The following FMNL2 variants were observed in gnomAD, a reference collection of about 807,000 sequenced individuals.
The protein encoded by FMNL2 is formin like 2.
Under a neutral mutation model 130.2 loss-of-function variants are expected in FMNL2, and 51 were observed. The observed-to-expected ratio is 0.39, with a 90% CI of 0.31 to 0.49. FMNL2 has a LOEUF of 0.49. FMNL2 is among the 20% of genes least tolerant of loss of function. The pLI, the probability that FMNL2 is intolerant of heterozygous loss-of-function variation, is 0.85. For missense variants in FMNL2, 977 were observed against 1,316.2 expected, an observed-to-expected ratio of 0.74 and a Z score of 3.99; for synonymous variants, 465 against 467.1, an observed-to-expected ratio of 1.00 and a Z score of 0.06.
chr2:152,335,994 C>T (rs1294354274), intron 1 of FMNL2, among the ~76,000 whole-genome samples: 2 of 151,882 alleles, frequency 1.3e-5, no homozygotes, highest in Non-Finnish European at 2.9e-5. Context: ...AGAGGCACCT[C>T]ACGGCGCGTG....
intron 20 of FMNL2, among the ~76,000 whole-genome samples, chr2:152,630,158 T>C (rs1682064065): frequency 6.6e-6 from 1 of 152,214 alleles, no homozygotes; most frequent in Non-Finnish European, 1.5e-5. Flanking sequence ...TTATTTATAA[T>C]TGCAAATTAA....
At chr2:152,567,927 A>G (rs1166456870) in intron 6 of FMNL2, among the ~76,000 whole-genome samples, 3 of 152,194 alleles carry the variant, frequency 2.0e-5, no homozygotes, top group African/African-American at 2.4e-5. Flanking sequence ...CTTAGATATT[A>G]TGAATCTCAC....
At chr2:152,590,964 A>G (rs556412764) in intron 9 of FMNL2, among the ~76,000 whole-genome samples, 76 of 106,190 alleles carry the variant, frequency 7.2e-4, no homozygotes, top group Middle Eastern at 8.9e-3. Flanking sequence ...GCAGAGTTAG[A>G]TTTTCCCTCT....
intron 1 of FMNL2, among the ~76,000 whole-genome samples, chr2:152,518,435 C>G (rs1692896215): frequency 6.6e-6 from 1 of 152,200 alleles, no homozygotes; most frequent in South Asian, 2.1e-4. Flanking sequence ...CTTCTTAAGT[C>G]TCTTCTTGTT....
At chr2:152,627,829 C>T (rs1434401065) in intron 17 of FMNL2, among the ~76,000 whole-genome samples, 1 of 152,122 alleles carries the variant, frequency 6.6e-6, no homozygotes. Context: ...AAAAATACTA[C>T]CAGACTATTG....
At chr2:152,399,283 G>T (rs1308468451) in intron 1 of FMNL2, among the ~76,000 whole-genome samples, 3 of 152,214 alleles carry the variant, frequency 2.0e-5, no homozygotes, top group Non-Finnish European at 4.4e-5. Context: ...GGATCTGAGG[G>T]TGGAGGAGTA....
intron 1 of FMNL2, among the ~76,000 whole-genome samples, chr2:152,511,998 ACTTT>A (rs1482083226): frequency 6.6e-6 from 1 of 152,194 alleles, no homozygotes; most frequent in Non-Finnish European, 1.5e-5. Flanking sequence ...GAATAAGAAC[ACTTT>A]CTCTGGATTT....
chr2:152,336,785 C>T (rs1246069844), intron 1 of FMNL2, among the ~76,000 whole-genome samples: 1 of 152,234 alleles, frequency 6.6e-6, no homozygotes, highest in Non-Finnish European at 1.5e-5. Context: ...TTGGACACTT[C>T]TCTTTTCCTA....
At chr2:152,482,660 C>G (rs928961326) in intron 1 of FMNL2, among the ~76,000 whole-genome samples, 2 of 152,188 alleles carry the variant, frequency 1.3e-5, no homozygotes, top group African/African-American at 4.8e-5. Flanking sequence ...CATATTTTCT[C>G]CATCTACAAA....
chr2:152,338,846 C>T (rs1030052870), intron 1 of FMNL2, among the ~76,000 whole-genome samples: 1 of 149,604 alleles, frequency 6.7e-6, no homozygotes, highest in South Asian at 2.1e-4. Context: ...CACACACACA[C>T]ACACACATAT....
At chr2:152,348,952 A>G (rs1231648677) in intron 1 of FMNL2, among the ~76,000 whole-genome samples, 1 of 140,442 alleles carries the variant, frequency 7.1e-6, no homozygotes, top group East Asian at 2.1e-4. Flanking sequence ...CTCCTGCCTC[A>G]GCCTCCCCAG....
intron 1 of FMNL2, among the ~76,000 whole-genome samples, chr2:152,416,488 G>A (rs1686622742): frequency 6.6e-6 from 1 of 152,134 alleles, no homozygotes; most frequent in African/African-American, 2.4e-5. Context: ...CACTGGAGAG[G>A]GCTGCTTAGA....
chr2:152,555,443 A>G (rs936109796), intron 4 of FMNL2, among the ~76,000 whole-genome samples: 2 of 152,224 alleles, frequency 1.3e-5, no homozygotes, highest in Admixed American at 6.5e-5. Context: ...TCTGTTGTGC[A>G]ACTTTGGGCT....
chr2:152,413,997 A>G (rs1686463316), intron 1 of FMNL2, among the ~76,000 whole-genome samples: 1 of 151,990 alleles, frequency 6.6e-6, no homozygotes, highest in Non-Finnish European at 1.5e-5. Flanking sequence ...TTTTTAGGTT[A>G]TTTTATTTGG....
intron 1 of FMNL2, among the ~76,000 whole-genome samples, chr2:152,410,671 AC>A (rs1180720583): frequency 6.6e-6 from 1 of 151,900 alleles, no homozygotes; most frequent in Admixed American, 6.6e-5. Flanking sequence ...CTTCACCCCC[AC>A]CCCACCAAGG....
chr2:152,643,336 T>G (rs1683257182), intron 25 of FMNL2: 2 of 1,464,006 alleles, frequency 1.4e-6, no homozygotes. Context: ...TGATTAACAA[T>G]GCACTAACCA....
chr2:152,433,940 A>T (rs1366108754), intron 1 of FMNL2, among the ~76,000 whole-genome samples: 3 of 152,194 alleles, frequency 2.0e-5, no homozygotes, highest in African/African-American at 7.2e-5. Flanking sequence ...CTCAAATGCA[A>T]GGCCAAACAA....
intron 1 of FMNL2, among the ~76,000 whole-genome samples, chr2:152,368,205 G>A (rs1208792861): frequency 1.3e-5 from 2 of 152,130 alleles, no homozygotes; most frequent in East Asian, 1.9e-4. Flanking sequence ...TGATTTAGGT[G>A]CCTCTAAGCT....
intron 1 of FMNL2, among the ~76,000 whole-genome samples, chr2:152,490,660 A>G (rs1047286995): frequency 3.4e-5 from 5 of 148,650 alleles, no homozygotes; most frequent in Admixed American, 6.8e-5. Context: ...AACGGCCCAC[A>G]CAACTTGGGA....
Sources: gnomAD v4.1 joint callset for allele counts (sites outside exome capture counted in the v4.1 genomes callset) on GRCh38, gnomAD v4.1.1 for gene constraint, MANE v1.5 for transcripts, NCBI Gene and HGNC (gene_info 2026-07-23, HGNC 2026-07-21) for gene names.